The following KIAA1217 variants were observed in gnomAD, a reference collection of about 807,000 sequenced individuals.
The protein encoded by KIAA1217 is sickle tail protein homolog.
A neutral mutation model predicts 163.9 loss-of-function variants in KIAA1217; 88 were observed. That is an observed-to-expected ratio of 0.54 (90% CI 0.45 to 0.64). The LOEUF (loss-of-function observed/expected upper bound fraction) is 0.64. KIAA1217 is among the 30% of genes least tolerant of loss of function. The probability of loss-of-function intolerance (pLI) is 0.00; values close to 1 mark genes in which losing one functional copy is unlikely to be tolerated. For synonymous variants in KIAA1217, 903 were observed against 923.1 expected (o/e 0.98, Z 0.39); for missense variants, 2,372 against 2,475.0 (o/e 0.96, Z 0.88).
At chr10:24,282,013 C>T (rs1278321528) in intron 2 of KIAA1217, among the ~76,000 whole-genome samples, 2 of 151,980 alleles carry the variant, frequency 1.3e-5, no homozygotes, top group Non-Finnish European at 2.9e-5. Context: ...GCGGAGATCA[C>T]ACCACTGCAC....
chr10:23,937,978 G>T (rs1843604069), intron 1 of KIAA1217, among the ~76,000 whole-genome samples: 1 of 152,134 alleles, frequency 6.6e-6, no homozygotes, highest in South Asian at 2.1e-4. Flanking sequence ...GAAGTTGAGA[G>T]TTCAGGGCAG....
intron 1 of KIAA1217, among the ~76,000 whole-genome samples, chr10:24,212,662 G>A (rs565773801): frequency 6.6e-6 from 1 of 152,312 alleles, no homozygotes; most frequent in African/African-American, 2.4e-5. Context: ...CGGTGAGCAC[G>A]AGTGCCGCAA....
intron 2 of KIAA1217, among the ~76,000 whole-genome samples, chr10:24,027,518 C>T (rs75851515): frequency 0.028 from 4,287 of 152,086 alleles, 190 homozygotes; most frequent in African/African-American, 0.094. Flanking sequence ...GAAAATGCAA[C>T]TTTAAAATGA....
intron 5 of KIAA1217, among the ~76,000 whole-genome samples, chr10:24,440,086 C>A (rs1263192114): frequency 6.6e-6 from 1 of 152,214 alleles, no homozygotes; most frequent in African/African-American, 2.4e-5. Context: ...GCCTACACTT[C>A]TGGAGGGAAA....
At chr10:23,967,599 A>T (rs1458992801) in intron 1 of KIAA1217, among the ~76,000 whole-genome samples, 1 of 152,202 alleles carries the variant, frequency 6.6e-6, no homozygotes, top group East Asian at 1.9e-4. Flanking sequence ...ATTGCCAAAG[A>T]TGTGGGGAAA....
intron 2 of KIAA1217, among the ~76,000 whole-genome samples, chr10:24,156,543 A>C (rs1440021472): frequency 6.6e-6 from 1 of 152,192 alleles, no homozygotes; most frequent in Non-Finnish European, 1.5e-5. Context: ...AAGGTAAGCC[A>C]GTTCCTAAAG....
At chr10:24,356,890 G>T (rs1357393522) in intron 2 of KIAA1217, among the ~76,000 whole-genome samples, 1 of 152,212 alleles carries the variant, frequency 6.6e-6, no homozygotes, top group African/African-American at 2.4e-5. Flanking sequence ...TAAAACAGAG[G>T]CCATCTGTGT....
At chr10:24,234,522 G>A (rs1352139247) in intron 2 of KIAA1217, among the ~76,000 whole-genome samples, 3 of 151,798 alleles carry the variant, frequency 2.0e-5, no homozygotes, top group African/African-American at 7.3e-5. Flanking sequence ...AAGTTAGCTG[G>A]GTGTGGTGAC....
chr10:23,865,453 A>C (rs1363272259), intron 1 of KIAA1217, among the ~76,000 whole-genome samples: 1 of 152,048 alleles, frequency 6.6e-6, no homozygotes, highest in East Asian at 1.9e-4. Flanking sequence ...TTTCTTATCA[A>C]TTTTTGTATT....
intron 2 of KIAA1217, among the ~76,000 whole-genome samples, chr10:24,081,419 G>A (rs1278317150): frequency 6.6e-6 from 1 of 152,218 alleles, no homozygotes; most frequent in Non-Finnish European, 1.5e-5. Flanking sequence ...GGATGAGACA[G>A]GTGGGCACAG....
At chr10:23,730,158 C>T (rs1838397240) in intron 1 of KIAA1217, among the ~76,000 whole-genome samples, 1 of 152,208 alleles carries the variant, frequency 6.6e-6, no homozygotes, top group African/African-American at 2.4e-5. Flanking sequence ...GCCTCGGCCT[C>T]CCAAAGTGCT....
At chr10:24,468,211 C>T (rs72776779) in intron 5 of KIAA1217, among the ~76,000 whole-genome samples, 19,053 of 152,132 alleles carry the variant, frequency 0.13, 1,347 homozygotes, top group Non-Finnish European at 0.16. Context: ...TACCTTCCCC[C>T]ACATCCTAAG....
chr10:24,068,180 G>T (rs898232701), intron 2 of KIAA1217, among the ~76,000 whole-genome samples: 6 of 152,204 alleles, frequency 3.9e-5, no homozygotes, highest in Non-Finnish European at 7.3e-5. Context: ...TCCCCTGTGA[G>T]ATGAACCCAG....
intron 2 of KIAA1217, among the ~76,000 whole-genome samples, chr10:24,273,999 C>T (rs1383665662): frequency 2.0e-5 from 3 of 151,934 alleles, no homozygotes; most frequent in Admixed American, 6.6e-5. Flanking sequence ...TAATGTAGTA[C>T]CAATAAATTA....
chr10:24,540,764 T>C (rs2074919195), intron 17 of KIAA1217, among the ~76,000 whole-genome samples: 1 of 152,194 alleles, frequency 6.6e-6, no homozygotes, highest in Non-Finnish European at 1.5e-5. Context: ...TTCATTTACA[T>C]ATATATATAC....
chr10:24,179,903 A>G (rs1487474587), intron 2 of KIAA1217, among the ~76,000 whole-genome samples: 1 of 152,164 alleles, frequency 6.6e-6, no homozygotes, highest in Non-Finnish European at 1.5e-5. Context: ...ATTTCTTTAT[A>G]GTAGTGCAAG....
intron 1 of KIAA1217, among the ~76,000 whole-genome samples, chr10:23,718,813 T>C (rs1471211800): frequency 7.5e-6 from 1 of 132,662 alleles, no homozygotes; most frequent in South Asian, 2.4e-4. Context: ...TTTGGGGCCA[T>C]ACAACTTGGA....
intron 6 of KIAA1217, among the ~76,000 whole-genome samples, chr10:24,487,169 A>G (rs1285012910): frequency 6.6e-6 from 1 of 152,114 alleles, no homozygotes; most frequent in Non-Finnish European, 1.5e-5. Flanking sequence ...TTTCAGCATC[A>G]TTCACATCTC....
At chr10:24,127,019 T>A (rs1190235326) in intron 2 of KIAA1217, among the ~76,000 whole-genome samples, 1 of 152,176 alleles carries the variant, frequency 6.6e-6, no homozygotes, top group African/African-American at 2.4e-5. Flanking sequence ...AAAAAATGTC[T>A]TTTTGTCAGT....
Sources: gnomAD v4.1 joint callset for allele counts (sites outside exome capture counted in the v4.1 genomes callset) on GRCh38, gnomAD v4.1.1 for gene constraint, MANE v1.5 for transcripts, NCBI Gene and HGNC (gene_info 2026-07-23, HGNC 2026-07-21) for gene names.